SLC4A10: variants seen among roughly 807,000 people sequenced by gnomAD.
SLC4A10 encodes sodium-driven chloride bicarbonate exchanger.
Under a neutral mutation model 137.7 loss-of-function variants are expected in SLC4A10, and 42 were observed. That is an observed-to-expected ratio of 0.30 (90% CI 0.24 to 0.39). SLC4A10 has a LOEUF of 0.39. SLC4A10 is among the 10% of genes least tolerant of loss of function. SLC4A10 has a pLI of 1.00. For missense variants in SLC4A10, 925 were observed against 1,355.0 expected, an observed-to-expected ratio of 0.68 and a Z score of 4.98; for synonymous variants, 474 against 464.1, an observed-to-expected ratio of 1.02 and a Z score of -0.27.
intron 3 of SLC4A10, among the ~76,000 whole-genome samples, chr2:161,831,538 T>G (rs1159653859): frequency 6.6e-6 from 1 of 152,156 alleles, no homozygotes; most frequent in Non-Finnish European, 1.5e-5. Flanking sequence ...TATTATATTT[T>G]TCTTCTAAGG....
At chr2:161,783,437 T>C (rs1295541406) in intron 2 of SLC4A10, among the ~76,000 whole-genome samples, 2 of 151,832 alleles carry the variant, frequency 1.3e-5, no homozygotes, top group Non-Finnish European at 2.9e-5. Context: ...AAAGTATTGG[T>C]AAAGGTAAAT....
Position 161,732,572 on chromosome 2 carries a change from T to G in SLC4A10, c.49-38401T>G, listed in dbSNP as rs967825504. On this transcript the variant is annotated intron_variant, in intron 1 of 26. Transcript: ENST00000446997. ...AGTACATCATCATATTTTATGAGTA[T>G]GTCTCCCAGAGCAAGGCTATTCAAG... is the stretch of plus-strand genomic sequence containing the variant. 4.6e-5 allele frequency among the ~76,000 whole-genome samples: 7 copies of G among 152,358 alleles called. No homozygotes were observed. The South Asian group carries it at 8.3e-4, about 18-fold the overall frequency.
At chr2:161,653,219 A>T (rs1407213591) in intron 1 of SLC4A10, among the ~76,000 whole-genome samples, 1 of 152,140 alleles carries the variant, frequency 6.6e-6, no homozygotes, top group Non-Finnish European at 1.5e-5. Context: ...CATGGTGTAT[A>T]TGTGCCATAT....
At chr2:161,883,923 T>C (rs1168562707) in intron 10 of SLC4A10, among the ~76,000 whole-genome samples, 2 of 152,176 alleles carry the variant, frequency 1.3e-5, no homozygotes, top group Non-Finnish European at 2.9e-5. Context: ...CTTACCTTAA[T>C]TACATCTGCA....
chr2:161,738,251 C>G (rs905040157), intron 1 of SLC4A10, among the ~76,000 whole-genome samples: 1 of 152,154 alleles, frequency 6.6e-6, no homozygotes, highest in Non-Finnish European at 1.5e-5. Flanking sequence ...ACTAGAAGCT[C>G]TACTTGGGAT....
At chr2:161,967,423 TA>T (rs1697794387) in intron 23 of SLC4A10, among the ~76,000 whole-genome samples, 1 of 152,148 alleles carries the variant, frequency 6.6e-6, no homozygotes. Context: ...GACTGTAAAA[TA>T]AAAATTCATC....
chr2:161,845,528 T>C (rs145884848), intron 4 of SLC4A10, among the ~76,000 whole-genome samples: 108 of 152,224 alleles, frequency 7.1e-4, no homozygotes, highest in Non-Finnish European at 1.2e-3. Context: ...CCAAACTCTC[T>C]GAAAAGAACT....
intron 15 of SLC4A10, among the ~76,000 whole-genome samples, chr2:161,926,459 C>T (rs1354544227): frequency 8.2e-5 from 12 of 146,636 alleles, no homozygotes; most frequent in Admixed American, 2.8e-4. Context: ...TGTCTCTGCA[C>T]GTGTGATGGG....
chr2:161,818,095 A>T (rs1029117753), intron 3 of SLC4A10, among the ~76,000 whole-genome samples: 83 of 152,140 alleles, frequency 5.5e-4, no homozygotes, highest in Non-Finnish European at 1.0e-3. Flanking sequence ...CATGATATTG[A>T]TTCTTCCTAC....
intron 1 of SLC4A10, among the ~76,000 whole-genome samples, chr2:161,671,236 G>A (rs1347849815): frequency 6.6e-6 from 1 of 152,074 alleles, no homozygotes; most frequent in African/African-American, 2.4e-5. Flanking sequence ...CACCATATGA[G>A]GACAACTTCA....
intron 1 of SLC4A10, among the ~76,000 whole-genome samples, chr2:161,682,778 C>A (rs1186433341): frequency 6.6e-6 from 1 of 152,078 alleles, no homozygotes; most frequent in South Asian, 2.1e-4. Flanking sequence ...ATCTCTCCCC[C>A]TCTGCCTGGT....
intron 15 of SLC4A10, among the ~76,000 whole-genome samples, chr2:161,915,187 C>G (rs1037193270): frequency 3.3e-5 from 5 of 152,034 alleles, no homozygotes; most frequent in Non-Finnish European, 5.9e-5. Flanking sequence ...AAAGAGGCAA[C>G]TTGACTTCAG....
chr2:161,812,124 T>G (rs2056612092), intron 3 of SLC4A10, among the ~76,000 whole-genome samples: 1 of 152,110 alleles, frequency 6.6e-6, no homozygotes, highest in South Asian at 2.1e-4. Context: ...TTTAGGTTTA[T>G]GTATTTTAAT....
chr2:161,755,654 A>G (rs1219057994), intron 1 of SLC4A10, among the ~76,000 whole-genome samples: 1 of 151,906 alleles, frequency 6.6e-6, no homozygotes, highest in Non-Finnish European at 1.5e-5. Flanking sequence ...GAGATTTTAC[A>G]TTTGTTTTTC....
intron 1 of SLC4A10, among the ~76,000 whole-genome samples, chr2:161,727,880 A>G (rs2046399037): frequency 6.6e-6 from 1 of 152,168 alleles, no homozygotes; most frequent in African/African-American, 2.4e-5. Context: ...TGATTTAAAG[A>G]GCTCACCAAA....
chr2:161,931,154 A>G (rs1690312074), intron 15 of SLC4A10: 1 of 151,916 alleles, frequency 6.6e-6, no homozygotes, highest in South Asian at 2.1e-4. Context: ...TAGTCTCCCC[A>G]TGTTTTTTAT....
rs79100353 is a variant in SLC4A10, at chr2:161,914,653, ATT to A, written c.1997+8776_1997+8777del. The stretch of plus-strand genomic sequence containing the variant: ...TAAATGAATGAAGTACTCATGGAAG[ATT>A]TTTTTTTTTATTATAAAAGCAGATT... On this transcript the variant is annotated intron_variant, in intron 15 of 26. Transcript: ENST00000446997. 1.1e-4 allele frequency among the ~76,000 whole-genome samples: 17 copies of A among 148,870 alleles called. 1 individual carries two copies. Among genetic ancestry groups the A allele is most frequent in the East Asian group, 9.8e-4 (5 of 5,110 alleles).
chr2:161,710,499 T>C (rs2125057815), intron 1 of SLC4A10: 1 of 229,010 alleles, frequency 4.4e-6, no homozygotes, highest in Admixed American at 4.9e-5. Context: ...GAATTGTCAT[T>C]TCTGTCACAA....
chr2:161,685,143 G>A (rs1322147342), intron 1 of SLC4A10, among the ~76,000 whole-genome samples: 2 of 152,144 alleles, frequency 1.3e-5, no homozygotes, highest in Non-Finnish European at 2.9e-5. Context: ...TTTATTTACT[G>A]AGTTATGGTT....
Sources: allele counts gnomAD v4.1 joint callset (sites outside exome capture counted in the v4.1 genomes callset), GRCh38; gene constraint gnomAD v4.1.1; transcripts MANE v1.5; gene names NCBI Gene and HGNC (gene_info 2026-07-23, HGNC 2026-07-21).